The following IL1RAP variants were observed in gnomAD, a reference collection of about 807,000 sequenced individuals.
IL1RAP encodes interleukin-1 receptor accessory protein.
Under a neutral mutation model 60.7 loss-of-function variants are expected in IL1RAP, and 35 were observed. The ratio of observed to expected loss-of-function variants is 0.58; its 90% CI spans 0.44 to 0.76. The LOEUF (loss-of-function observed/expected upper bound fraction) is 0.76. Among genes scored for constraint, IL1RAP ranks in the 30% least tolerant of loss-of-function variants. IL1RAP has a pLI of 0.00. For synonymous variants in IL1RAP, 268 were observed against 250.9 expected, an observed-to-expected ratio of 1.07 and a Z score of -0.64; for missense variants, 572 against 693.9, an observed-to-expected ratio of 0.82 and a Z score of 1.97.
Position 190,572,902 on chromosome 3 carries a change from C to T in IL1RAP, c.64+8549C>T, listed in dbSNP as rs375643860. Among the ~76,000 whole-genome samples, 21 of 37,236 alleles carry T rather than the reference C, an allele frequency of 5.6e-4. 5 individuals are homozygous for T. Among genetic ancestry groups the T allele is most frequent in the African/African-American group, 2.3e-3 (21 of 9,082 alleles). The allele number at this position is 37,236 out of a possible 152,430, so 24.4% of individuals were successfully genotyped here. A position where few individuals can be genotyped will look rare whatever the true frequency, so the allele number is the denominator to read the frequency against. On this transcript the variant is annotated intron_variant, in intron 3 of 11. Transcript: ENST00000447382. ...TTTTTGAGACGGAGTCTCGCTCTGTCGCCCAGGCTGGAGTGCAGTGGCGGG... is the reference window on the plus strand; with the variant it reads ...TTTTTGAGACGGAGTCTCGCTCTGTTGCCCAGGCTGGAGTGCAGTGGCGGG...
At chr3:190,604,093 C>T (rs1207884293) in intron 3 of IL1RAP, 35 bp from the exon 4 acceptor site, 3 of 1,597,090 alleles carry the variant, frequency 1.9e-6, no homozygotes, top group East Asian at 4.5e-5. Flanking sequence ...TAAAATGACT[C>T]ATCTGCCCCT....
intron 3 of IL1RAP, among the ~76,000 whole-genome samples, chr3:190,600,375 G>T (rs536514509): frequency 6.6e-6 from 1 of 152,298 alleles, no homozygotes; most frequent in East Asian, 1.9e-4. Context: ...AACAAAGCAT[G>T]TAACTTTTTT....
intron 1 of IL1RAP, among the ~76,000 whole-genome samples, chr3:190,521,947 G>A (rs904888000): frequency 3.4e-5 from 4 of 119,184 alleles, no homozygotes; most frequent in African/African-American, 9.7e-5. Context: ...GGATTCTAGC[G>A]TTGAGTACAC....
intron 1 of IL1RAP, among the ~76,000 whole-genome samples, chr3:190,535,575 G>T (rs1260380376): frequency 6.6e-6 from 1 of 152,026 alleles, no homozygotes; most frequent in Non-Finnish European, 1.5e-5. Flanking sequence ...CTCCCCACCA[G>T]GGCCACTTAC....
chr3:190,518,514 C>T (rs367873897), intron 1 of IL1RAP: 8 of 152,068 alleles, frequency 5.3e-5, no homozygotes, highest in East Asian at 1.9e-4. Flanking sequence ...TTTAGGAAAC[C>T]GAGGCTCATA....
intron 2 of IL1RAP, among the ~76,000 whole-genome samples, chr3:190,561,925 T>C (rs1014246553): frequency 2.0e-5 from 3 of 152,200 alleles, no homozygotes; most frequent in Non-Finnish European, 4.4e-5. Flanking sequence ...GGCAGTGCTC[T>C]ATAAAGTACA....
exon 12 of IL1RAP, chr3:190,656,717 C>A (rs1734632307): frequency 3.1e-6 from 2 of 652,102 alleles, no homozygotes; most frequent in Admixed American, 3.3e-5. Flanking sequence ...AGATTTCTGT[C>A]CCCTTTATTG....
intron 4 of IL1RAP, among the ~76,000 whole-genome samples, chr3:190,608,631 AATAG>A (rs1351277907): frequency 6.6e-6 from 1 of 151,708 alleles, no homozygotes; most frequent in Non-Finnish European, 1.5e-5. Flanking sequence ...ATCAATAAAC[AATAG>A]AAATTCTTGA....
chr3:190,524,805 G>A (rs919818341), intron 1 of IL1RAP, among the ~76,000 whole-genome samples: 1 of 151,996 alleles, frequency 6.6e-6, no homozygotes, highest in African/African-American at 2.4e-5. Flanking sequence ...GATAGAACCG[G>A]ATAAGACAGT....
intron 3 of IL1RAP, among the ~76,000 whole-genome samples, chr3:190,578,876 A>C: frequency 6.6e-6 from 1 of 152,212 alleles, no homozygotes; most frequent in East Asian, 1.9e-4. Flanking sequence ...TGAGACTATC[A>C]TGACAACAGC....
intron 3 of IL1RAP, among the ~76,000 whole-genome samples, chr3:190,565,726 C>G (rs779930221): frequency 6.6e-6 from 1 of 152,086 alleles, no homozygotes; most frequent in African/African-American, 2.4e-5. Context: ...TTAGGTGTCG[C>G]GTTTGATAGG....
chr3:190,631,627 T>G (rs542923704), intron 9 of IL1RAP, among the ~76,000 whole-genome samples: 1 of 152,260 alleles, frequency 6.6e-6, no homozygotes, highest in Admixed American at 6.5e-5. Flanking sequence ...CTAAATTTAT[T>G]AGCAAAGCAT....
At chr3:190,601,398 G>A (rs549324323) in intron 3 of IL1RAP, among the ~76,000 whole-genome samples, 1 of 152,318 alleles carries the variant, frequency 6.6e-6, no homozygotes, top group Admixed American at 6.5e-5. Context: ...GTGCATTGAT[G>A]TGAACAACAC....
chr3:190,605,639 G>C (rs918849654), intron 4 of IL1RAP, among the ~76,000 whole-genome samples: 3 of 152,226 alleles, frequency 2.0e-5, no homozygotes, highest in African/African-American at 7.2e-5. Context: ...TCCAAGATCA[G>C]GGTGTTGGCA....
At chr3:190,652,837 C>T (rs1734463996), downstream of IL1RAP, among the ~76,000 whole-genome samples, 1 of 152,184 alleles carries the variant, frequency 6.6e-6, no homozygotes, top group African/African-American at 2.4e-5. Context: ...CCTACTAGAA[C>T]ATACTGGTGA....
chr3:190,615,272 C>G, intron 5 of IL1RAP: 1 of 1,237,206 alleles, frequency 8.1e-7, no homozygotes, highest in South Asian at 1.3e-5. Flanking sequence ...AAAACAAATT[C>G]TGAAATATAC....
chr3:190,552,597 C>G (rs552800562), intron 1 of IL1RAP, among the ~76,000 whole-genome samples: 1 of 152,032 alleles, frequency 6.6e-6, no homozygotes, highest in Admixed American at 6.6e-5. Flanking sequence ...TTAATTAGAG[C>G]TTTTTTTATA....
intron 1 of IL1RAP, among the ~76,000 whole-genome samples, chr3:190,532,749 C>T (rs1240716784): frequency 1.3e-5 from 2 of 152,056 alleles, no homozygotes; most frequent in Non-Finnish European, 2.9e-5. Flanking sequence ...TTTGCTTGCA[C>T]GTACAGCTGA....
intron 3 of IL1RAP, among the ~76,000 whole-genome samples, chr3:190,583,163 T>G (rs1728151759): frequency 6.6e-6 from 1 of 152,240 alleles, no homozygotes; most frequent in Admixed American, 6.5e-5. Context: ...ATTGGGTAAT[T>G]ATTTATTTAA....
Sources: allele counts gnomAD v4.1 joint callset (sites outside exome capture counted in the v4.1 genomes callset), GRCh38; gene constraint gnomAD v4.1.1; transcripts MANE v1.5; gene names NCBI Gene and HGNC (gene_info 2026-07-23, HGNC 2026-07-21).